BCL11A: variants seen among roughly 807,000 people sequenced by gnomAD.
BCL11A encodes the protein BCL11 transcription factor A.
Under a neutral mutation model 55.9 loss-of-function variants are expected in BCL11A, and 2 were observed. The observed-to-expected ratio is 0.04, with a 90% CI of 0.01 to 0.11. The LOEUF (loss-of-function observed/expected upper bound fraction) is 0.11, where lower values mean the gene tolerates loss of function less well. Ranked by LOEUF, BCL11A falls within the 10% of genes least tolerant of loss-of-function variation. The probability of loss-of-function intolerance (pLI) is 1.00; values close to 1 mark genes in which losing one functional copy is unlikely to be tolerated. For synonymous variants in BCL11A, 465 were observed against 473.4 expected, an observed-to-expected ratio of 0.98 and a Z score of 0.23; for missense variants, 817 against 1,137.1, an observed-to-expected ratio of 0.72 and a Z score of 4.05.
intron 2 of BCL11A, among the ~76,000 whole-genome samples, chr2:60,477,827 G>T (rs529308024): frequency 6.6e-6 from 1 of 152,294 alleles, no homozygotes; most frequent in South Asian, 2.1e-4. Flanking sequence ...ACGGAGAAGG[G>T]GCCAGAAGAA....
intron 2 of BCL11A, among the ~76,000 whole-genome samples, chr2:60,476,329 A>G (rs1425332261): frequency 6.6e-6 from 1 of 152,260 alleles, no homozygotes; most frequent in Non-Finnish European, 1.5e-5. Context: ...TGAAGGTCAG[A>G]GAACCAGGAA....
At position 60,516,427 on chromosome 2, in the gene BCL11A, C is replaced by G. The variant is rs548881545; in HGVS notation, c.385+29544G>C. ...CAGCTCTCCCCCTGAGCTAACTTAC[C>G]GAGCAGTAAGTGAGGCAAGAAAGGC... is the stretch of plus-strand genomic sequence containing the variant. On this transcript the variant is annotated intron_variant, in intron 2 of 3. Coordinates refer to ENST00000642384, the MANE Select transcript of BCL11A (RefSeq NM_022893.4). Among the ~76,000 whole-genome samples the G allele has an allele frequency of 8.5e-5, 13 of 152,248 alleles. No homozygotes were observed. In the East Asian group the frequency reaches 2.5e-3, roughly 29 times the overall value.
In BCL11A at chr2:60,553,471, T is replaced by A; in HGVS notation, c.-201A>T. On this transcript the variant is annotated 5_prime_UTR_variant, in exon 1 of 4. In the 5' UTR this introduces an upstream ATG that the reference lacks. Transcript: ENST00000642384. The stretch of plus-strand genomic sequence containing the variant: ...TGAATTGTGGGAGAGCCGTCATGGC[T>A]TTTTTTTAAGCAAAAAAAAAAAAAA... 1 of 260,970 alleles carries A rather than the reference T, an allele frequency of 3.8e-6. No individual in the cohort carries two copies. 16.2% of individuals were successfully genotyped at this position (260,970 alleles called of 1,614,324 possible). A position where few individuals can be genotyped will look rare whatever the true frequency, so the allele number is the denominator to read the frequency against.
intron 2 of BCL11A, among the ~76,000 whole-genome samples, chr2:60,529,780 C>G (rs1354843427): frequency 6.6e-6 from 1 of 152,178 alleles, no homozygotes; most frequent in African/African-American, 2.4e-5. Context: ...CACAATGGTG[C>G]CTTTTCAAGT....
chr2:60,468,859 ACTACAG>A, intron 2 of BCL11A, 26 bp from the exon 3 acceptor site: 1 of 1,445,406 alleles, frequency 6.9e-7, no homozygotes, highest in South Asian at 1.2e-5. Flanking sequence ...AAAATCAAGC[ACTACAG>A]CTACAAACAA....
intron 2 of BCL11A, among the ~76,000 whole-genome samples, chr2:60,516,361 C>A (rs912007354): frequency 6.6e-6 from 1 of 152,216 alleles, no homozygotes; most frequent in African/African-American, 2.4e-5. Flanking sequence ...CTCCGCTCTT[C>A]CAAAACCTTT....
intron 2 of BCL11A, among the ~76,000 whole-genome samples, chr2:60,492,174 C>T (rs1013117336): frequency 6.6e-6 from 1 of 152,112 alleles, no homozygotes; most frequent in African/African-American, 2.4e-5. Context: ...CCCAGGAGTT[C>T]AAGACCAGCC....
chr2:60,517,847 C>T (rs1668802093), intron 2 of BCL11A, among the ~76,000 whole-genome samples: 1 of 152,222 alleles, frequency 6.6e-6, no homozygotes, highest in African/African-American at 2.4e-5. Flanking sequence ...TAAGTATTCA[C>T]TTTGGCTTTC....
intron 2 of BCL11A, among the ~76,000 whole-genome samples, chr2:60,499,341 G>C (rs1679144947): frequency 6.6e-6 from 1 of 152,158 alleles, no homozygotes; most frequent in Non-Finnish European, 1.5e-5. Context: ...TGAAGTCAAA[G>C]CCCATCGTGC....
At chr2:60,470,028 G>T (rs1237225392) in intron 2 of BCL11A, among the ~76,000 whole-genome samples, 3 of 152,136 alleles carry the variant, frequency 2.0e-5, no homozygotes, top group Non-Finnish European at 4.4e-5. Flanking sequence ...AATACATCCT[G>T]TTCTCCTTAT....
chr2:60,457,799 T>G lies in BCL11A; in HGVS notation c.*2605A>C. 1 of 1,046,096 alleles carries G rather than the reference T, an allele frequency of 9.6e-7. No homozygotes were observed. Among genetic ancestry groups the G allele is most frequent in the Non-Finnish European group, 1.2e-6 (1 of 866,970 alleles). The allele number at this position is 1,046,096 out of a possible 1,614,324, so 64.8% of individuals were successfully genotyped here. On this transcript the variant is annotated 3_prime_UTR_variant, in exon 4 of 4. Transcript: ENST00000642384. ...ACATAACAAACCAACGTTATTAGCT[T>G]GCAGTACTGCATACAGTATGGCAGC...
intron 2 of BCL11A, among the ~76,000 whole-genome samples, chr2:60,488,729 A>G (rs1039967932): frequency 6.6e-6 from 1 of 152,060 alleles, no homozygotes; most frequent in African/African-American, 2.4e-5. Flanking sequence ...ACTGCTACCC[A>G]AAACGATTTT....
At chr2:60,483,164 G>C (rs1295256577) in intron 2 of BCL11A, among the ~76,000 whole-genome samples, 1 of 152,144 alleles carries the variant, frequency 6.6e-6, no homozygotes, top group Non-Finnish European at 1.5e-5. Flanking sequence ...CAACACAGGC[G>C]AGAGAAGTGT....
chr2:60,513,284 G>C (rs373514697), intron 2 of BCL11A, among the ~76,000 whole-genome samples: 2 of 152,152 alleles, frequency 1.3e-5, no homozygotes, highest in South Asian at 4.1e-4. Context: ...ACGGCTCCAA[G>C]ATGCTAAATA....
At chr2:60,454,923 G>A (rs1675873947), downstream of BCL11A, among the ~76,000 whole-genome samples, 3 of 152,170 alleles carry the variant, frequency 2.0e-5, no homozygotes, top group Admixed American at 6.5e-5. Flanking sequence ...AGAATGCCCT[G>A]GGAAAAACTC....
intron 2 of BCL11A, among the ~76,000 whole-genome samples, chr2:60,481,598 C>A (rs138559709): frequency 1.7e-4 from 26 of 152,312 alleles, no homozygotes; most frequent in African/African-American, 6.3e-4. Context: ...GCAACTGCAG[C>A]AGAAACAGTG....
intron 2 of BCL11A, among the ~76,000 whole-genome samples, chr2:60,497,420 C>T (rs890980028): frequency 7.2e-5 from 11 of 152,072 alleles, no homozygotes; most frequent in African/African-American, 2.7e-4. Flanking sequence ...AGAAACTAGC[C>T]CTCAGGTTAG....
At chr2:60,487,900 A>T (rs1034966551) in intron 2 of BCL11A, among the ~76,000 whole-genome samples, 3 of 152,200 alleles carry the variant, frequency 2.0e-5, no homozygotes, top group Non-Finnish European at 2.9e-5. Flanking sequence ...CACAAAATGC[A>T]AGTACTCCAA....
chr2:60,549,012 C>G (rs1430165102), intron 1 of BCL11A, among the ~76,000 whole-genome samples: 1 of 152,180 alleles, frequency 6.6e-6, no homozygotes, highest in Non-Finnish European at 1.5e-5. Context: ...CTCCTTCGCC[C>G]CAACAATACC....
Sources: allele counts gnomAD v4.1 joint callset (sites outside exome capture counted in the v4.1 genomes callset), GRCh38; gene constraint gnomAD v4.1.1; transcripts MANE v1.5; gene names NCBI Gene and HGNC (gene_info 2026-07-23, HGNC 2026-07-21).